Variants in CFAP36 observed in about 807,000 individuals in gnomAD.
CFAP36 encodes the protein cilia and flagella associated protein 36, also known as cilia- and flagella-associated protein 36.
A neutral mutation model predicts 50.5 loss-of-function variants in CFAP36; 37 were observed. That is an observed-to-expected ratio of 0.73 (90% confidence interval 0.56 to 0.96). CFAP36 has a LOEUF of 0.96. Ranked by LOEUF, CFAP36 falls within the 50% of genes least tolerant of loss-of-function variation. The pLI is 0.00. For missense variants in CFAP36, 407 were observed against 396.2 expected, an observed-to-expected ratio of 1.03 and a Z score of -0.23; for synonymous variants, 138 against 128.2, an observed-to-expected ratio of 1.08 and a Z score of -0.52.
chr2:55,544,124 G>A (rs1180628636), intron 8 of CFAP36, 50 bp downstream of exon 8: 1 of 1,609,616 alleles, frequency 6.2e-7, no homozygotes, highest in East Asian at 2.2e-5. Context: ...ACAAGGTACT[G>A]GGAAATCAAA....
chr2:55,543,085 G>A (rs1418206383), intron 7 of CFAP36, among the ~76,000 whole-genome samples: 3 of 151,146 alleles, frequency 2.0e-5, no homozygotes, highest in Admixed American at 2.0e-4. Context: ...TTAACTGGCA[G>A]GATCAACCAG....
intron 7 of CFAP36, among the ~76,000 whole-genome samples, chr2:55,538,390 G>T (rs1345092399): frequency 6.6e-6 from 1 of 150,738 alleles, no homozygotes; most frequent in East Asian, 2.0e-4. Context: ...CACTTCCTGG[G>T]TTCAAGTGAT....
intron 1 of CFAP36, 142 bp downstream of exon 1, chr2:55,520,058 C>T (rs1684017359): frequency 1.4e-6 from 1 of 704,446 alleles, no homozygotes; most frequent in African/African-American, 1.8e-5. Context: ...CCCCTCACCA[C>T]CTTCTCCACC....
chr2:55,523,882 C>T lies in CFAP36; in HGVS notation c.282+60C>T, dbSNP rs535675982. 5.8e-6 allele frequency: 6 copies of T among 1,035,676 alleles called. No individual in the cohort carries two copies. In the East Asian group the frequency reaches 1.0e-4, roughly 17 times the overall value. The allele number at this position is 1,035,676 out of a possible 1,614,324, so 64.2% of individuals were successfully genotyped here. On this transcript the variant is annotated intron_variant, in intron 3 of 9. Coordinates refer to ENST00000349456, the MANE Select transcript of CFAP36 (RefSeq NM_080667.7). The stretch of plus-strand genomic sequence containing the variant: ...TTTAACAAATGCCCAGGGTTAAACA[C>T]TCACTTAAATTTGAATGTTTGATTG...
In CFAP36 at chr2:55,544,951, A is replaced by G. The variant is rs752871003; in HGVS notation, c.972A>G (p.Thr324=). Residue 324 remains threonine, a synonymous_variant, in exon 10 of 10, where the codon ACA becomes ACG. Coordinates refer to ENST00000349456, the MANE Select transcript of CFAP36 (RefSeq NM_080667.7). ...AAATGACAGCAGAGGAGAAGCAAAC[A>G]TTACTAAAGAGGAGATTGCTTGCAG... ...KPEMTAEEKQ[T]LLKRRLLAEK... 6.8e-6 allele frequency: 11 copies of G among 1,607,196 alleles called. No individual in the cohort carries two copies. The highest frequency in any genetic ancestry group is 9.3e-6 in the Non-Finnish European group (11 of 1,178,072).
chr2:55,529,603 T>C (rs564035828), intron 4 of CFAP36, among the ~76,000 whole-genome samples: 1 of 152,130 alleles, frequency 6.6e-6, no homozygotes, highest in East Asian at 1.9e-4. Flanking sequence ...GTCCATCCTT[T>C]TTCTGGCTTA....
chr2:55,522,179 T>C lies in CFAP36; in HGVS notation c.180+13T>C, dbSNP rs1401025274. On this transcript the variant is annotated intron_variant, in intron 2 of 9. Transcript: ENST00000349456. ...ATACAAAGAACTAGTGAGTATTTTTTTTCACTGATTTTTAAAAGTAATTAG... is the reference window on the plus strand; with the variant it reads ...ATACAAAGAACTAGTGAGTATTTTTCTTCACTGATTTTTAAAAGTAATTAG... 1.9e-5 allele frequency: 26 copies of C among 1,382,344 alleles called. No homozygotes were observed. The highest frequency in any genetic ancestry group is 4.0e-6 in the Non-Finnish European group (4 of 998,048). The allele number at this position is 1,382,344 out of a possible 1,614,324, so 85.6% of individuals were successfully genotyped here.
At chr2:55,532,624 G>A (rs1198601018) in intron 4 of CFAP36, among the ~76,000 whole-genome samples, 2 of 152,002 alleles carry the variant, frequency 1.3e-5, no homozygotes, top group African/African-American at 4.8e-5. Flanking sequence ...GGGGAAGCTG[G>A]GTAAAGAGTA....
At chr2:55,527,184 G>A (rs551781861) in intron 3 of CFAP36, among the ~76,000 whole-genome samples, 1 of 152,328 alleles carries the variant, frequency 6.6e-6, no homozygotes, top group East Asian at 1.9e-4. Context: ...GGAACTGCAA[G>A]GAGAAATGGA....
chr2:55,538,584 G>A (rs1472063039), intron 7 of CFAP36, among the ~76,000 whole-genome samples: 1 of 151,910 alleles, frequency 6.6e-6, no homozygotes, highest in East Asian at 1.9e-4. Flanking sequence ...ATGAGCCACT[G>A]TGCCTGGCTA....
chr2:55,529,692 G>C (rs1436743013), intron 4 of CFAP36, among the ~76,000 whole-genome samples: 2 of 149,778 alleles, frequency 1.3e-5, no homozygotes, highest in Non-Finnish European at 3.0e-5. Flanking sequence ...TGTTGCTCAG[G>C]CTGGAGTGCA....
At chr2:55,522,559 A>G (rs1440726436) in intron 2 of CFAP36, among the ~76,000 whole-genome samples, 3 of 152,152 alleles carry the variant, frequency 2.0e-5, no homozygotes, top group Non-Finnish European at 4.4e-5. Context: ...ATCACAGCCT[A>G]TTGCAGCCTC....
intron 5 of CFAP36, 57 bp downstream of exon 5, chr2:55,534,017 C>A: frequency 9.7e-7 from 1 of 1,025,712 alleles, no homozygotes; most frequent in Non-Finnish European, 1.4e-6. Context: ...ATGATCTGTA[C>A]ATATGCTTTT....
Position 55,522,125 on chromosome 2 carries a change from A to T in CFAP36, c.139A>T (p.Lys47Ter). The T allele has an allele frequency of 6.5e-7, 1 of 1,538,332 alleles. No homozygotes were observed. The change falls in exon 2 of 10, where the codon AAA becomes TAA. Residue 47 changes from lysine (K) to a stop codon, truncating the protein, a stop_gained. Coordinates refer to ENST00000349456, the MANE Select transcript of CFAP36 (RefSeq NM_080667.7). LOFTEE classifies it high-confidence loss of function. ...CEVFDDEEESKLTYTEIHQEY... is the reference protein window; with the variant it reads ...CEVFDDEEES ...AGTTTTTGATGATGAAGAAGAAAGCAAATTGACCTATACAGAGATTCATCA... is the reference window on the plus strand; with the variant it reads ...AGTTTTTGATGATGAAGAAGAAAGCTAATTGACCTATACAGAGATTCATCA...
intron 3 of CFAP36, among the ~76,000 whole-genome samples, chr2:55,526,247 C>T (rs888794537): frequency 6.6e-6 from 1 of 152,300 alleles, no homozygotes; most frequent in Non-Finnish European, 1.5e-5. Context: ...TATTTGCATT[C>T]CCTGCTGGTA....
rs75386232 is a variant in CFAP36, at chr2:55,532,475, C to A, written c.398-1398C>A. Among the ~76,000 whole-genome samples the A allele has an allele frequency of 7.1e-3, 1,080 of 151,996 alleles. 33 individuals carry two copies. Among genetic ancestry groups the A allele is most frequent in the East Asian group, 0.05 (258 of 5,184 alleles). ...GTTATTCTTAGTACTTTCAGTTTTC[C>A]TCAGGAAGATTATTAGGAGAATAAT... is the stretch of plus-strand genomic sequence containing the variant. On this transcript the variant is annotated intron_variant, in intron 4 of 9. Transcript: ENST00000349456.
chr2:55,520,618 C>A, intron 1 of CFAP36: 1 of 594,430 alleles, frequency 1.7e-6, no homozygotes, highest in Non-Finnish European at 2.7e-6. Flanking sequence ...GTTCTTCAGG[C>A]TTGGAGTTCT....
chr2:55,520,228 A>G (rs1414400726), intron 1 of CFAP36, among the ~76,000 whole-genome samples: 1 of 152,052 alleles, frequency 6.6e-6, no homozygotes, highest in African/African-American at 2.4e-5. Context: ...TCGGTCTCTC[A>G]CCCTGTCCCG....
chr2:55,519,749 C>G lies in CFAP36; in HGVS notation c.-53C>G, dbSNP rs1684002658. The G allele has an allele frequency of 2.5e-6, 4 of 1,587,146 alleles. No individual in the cohort carries two copies. The Admixed American group carries it at 5.0e-5, about 20-fold the overall frequency. On this transcript the variant is annotated 5_prime_UTR_variant, in exon 1 of 10. Transcript: ENST00000349456. ...GCTCCTTGTGGCCCAAAGGCCTAAC[C>G]GGGGTCCGGCGGTCTGGCCTAGGGA...
Sources: gnomAD v4.1 joint callset for allele counts (sites outside exome capture counted in the v4.1 genomes callset) on GRCh38, gnomAD v4.1.1 for gene constraint, MANE v1.5 for transcripts, NCBI Gene and HGNC (gene_info 2026-07-23, HGNC 2026-07-21) for gene names.